SLC22A9: variants seen among roughly 807,000 people sequenced by gnomAD.
SLC22A9 encodes solute carrier family 22 member 9.
In SLC22A9, 64 loss-of-function variants were observed where a neutral mutation model predicts 50.1. That is an observed-to-expected ratio of 1.28 (90% confidence interval 1.04 to 1.57). SLC22A9 has a LOEUF of 1.57. Ranked by LOEUF, SLC22A9 falls within the 40% of genes most tolerant of loss-of-function variation. The pLI is 0.00. For synonymous variants in SLC22A9, 261 were observed against 242.5 expected (o/e 1.08, Z -0.71); for missense variants, 757 against 676.1 (o/e 1.12, Z -1.33).
At chr11:63,394,758 C>T (rs775733765) in intron 6 of SLC22A9, among the ~76,000 whole-genome samples, 3 of 152,026 alleles carry the variant, frequency 2.0e-5, no homozygotes, top group South Asian at 4.1e-4. Flanking sequence ...TTCTTATATT[C>T]GCGTGTCTAG....
chr11:63,373,538 T>C (rs1009647467), intron 2 of SLC22A9, 106 bp from the exon 3 acceptor site: 36 of 1,171,176 alleles, frequency 3.1e-5, no homozygotes, highest in Non-Finnish European at 4.1e-5. Context: ...AAATGCAAAG[T>C]TTCACTTGTT....
intron 6 of SLC22A9, among the ~76,000 whole-genome samples, chr11:63,398,098 G>A (rs780526916): frequency 3.9e-5 from 6 of 152,142 alleles, no homozygotes; most frequent in Non-Finnish European, 7.3e-5. Flanking sequence ...TAGTCAGCAG[G>A]TGATGAATCC....
chr11:63,409,589 T>G (rs1352150758), intron 9 of SLC22A9, among the ~76,000 whole-genome samples: 1 of 152,098 alleles, frequency 6.6e-6, no homozygotes, highest in Admixed American at 6.5e-5. Context: ...GGATGACAAG[T>G]AGAAAGTATC....
Position 63,370,409 on chromosome 11 carries a change from A to G in SLC22A9, c.353A>G (p.Asp118Gly). 1 of 1,611,230 alleles carries G rather than the reference A, an allele frequency of 6.2e-7. No homozygotes were observed. Among genetic ancestry groups the G allele is most frequent in the African/African-American group, 1.3e-5 (1 of 74,998 alleles). ...GACGCAGACATGGAGCCCTGTGTGG[A>G]TGGCTGGGTGTATGACAGAATCTCC... is the stretch of plus-strand genomic sequence containing the variant. ...TSDADMEPCV[D>G]GWVYDRISFS... Residue 118 changes from aspartate to glycine, a missense_variant, in exon 1 of 10, where the codon GAT (aspartate) becomes GGT (glycine). Transcript: ENST00000279178.
rs61742518 is a variant in SLC22A9 at position 63,408,121 on chromosome 11, C to T, written c.1298C>T (p.Thr433Met). 38,465 of 1,612,936 alleles carry T rather than the reference C, an allele frequency of 0.024. 536 individuals carry two copies. The highest frequency in any genetic ancestry group is 0.032 in the Middle Eastern group (194 of 6,054). Reference sequence around the variant, plus strand: ...TTCTTCCTTTCTCCAGAAATGCAGACGCTGCGTGAGGTTTTGGCAACACTG... The same window carrying T: ...TTCTTCCTTTCTCCAGAAATGCAGATGCTGCGTGAGGTTTTGGCAACACTG... ...AIIFVPQEMQ[T>M]LREVLATLGL... Residue 433 changes from threonine to methionine, a missense_variant, in exon 8 of 10, where the codon ACG (threonine) becomes ATG (methionine). Physicochemically the swap from Thr to Met is moderately conservative, Grantham distance 81. Coordinates refer to ENST00000279178, the MANE Select transcript of SLC22A9 (RefSeq NM_080866.3).
At chr11:63,392,998 G>A (rs1214616747) in intron 6 of SLC22A9, among the ~76,000 whole-genome samples, 1 of 152,030 alleles carries the variant, frequency 6.6e-6, no homozygotes, top group Non-Finnish European at 1.5e-5. Flanking sequence ...ATGAATTATA[G>A]AATTGTTTTT....
intron 5 of SLC22A9, among the ~76,000 whole-genome samples, chr11:63,377,454 T>C (rs1417005715): frequency 6.6e-6 from 1 of 152,162 alleles, no homozygotes; most frequent in African/African-American, 2.4e-5. Flanking sequence ...CTTGAATGAC[T>C]TCCGGATAAA....
intron 6 of SLC22A9, among the ~76,000 whole-genome samples, chr11:63,390,708 GT>G (rs537268770): frequency 1.3e-5 from 2 of 152,114 alleles, no homozygotes; most frequent in Non-Finnish European, 2.9e-5. Context: ...ATTTAAAGTA[GT>G]TTTTTCTAAT....
rs559825115 is a variant in SLC22A9 at position 63,397,382 on chromosome 11, C to A, written c.1074-9115C>A. Among the ~76,000 whole-genome samples, 16 of 152,216 alleles carry A rather than the reference C, an allele frequency of 1.1e-4. No individual in the cohort carries two copies. The South Asian group carries it at 3.1e-3, about 30-fold the overall frequency. The stretch of plus-strand genomic sequence containing the variant: ...AAGGCCCATAGTAATCACTGCCTGG[C>A]TACTGCCTAGGTTTGCCCAAGGCCC... On this transcript the variant is annotated intron_variant, in intron 6 of 9. Coordinates refer to ENST00000279178, the MANE Select transcript of SLC22A9 (RefSeq NM_080866.3).
chr11:63,380,595 A>T (rs1453449237), intron 5 of SLC22A9, among the ~76,000 whole-genome samples: 1 of 152,214 alleles, frequency 6.6e-6, no homozygotes, highest in African/African-American at 2.4e-5. Context: ...AAAACTAAAT[A>T]CCACATGTTC....
At position 63,369,926 on chromosome 11, in the gene SLC22A9, C is replaced by G; in HGVS notation, c.-131C>G. 1.1e-6 allele frequency: 1 copy of G among 912,810 alleles called. No homozygotes were observed. The highest frequency in any genetic ancestry group is 2.7e-5 in the East Asian group (1 of 37,722). The allele number at this position is 912,810 out of a possible 1,614,324, so 56.5% of individuals were successfully genotyped here. A position where few individuals can be genotyped will look rare whatever the true frequency, so the allele number is the denominator to read the frequency against. ...TCCTGCTGCAGAGGGGAAGCACAGT[C>G]GTCAAGAAGAGAGTGGGGTCAGGAT... On this transcript the variant is annotated 5_prime_UTR_variant, in exon 1 of 10. Coordinates refer to ENST00000279178, the MANE Select transcript of SLC22A9 (RefSeq NM_080866.3).
intron 6 of SLC22A9, among the ~76,000 whole-genome samples, chr11:63,400,118 A>G (rs1179925453): frequency 6.6e-6 from 1 of 152,092 alleles, no homozygotes; most frequent in Admixed American, 6.6e-5. Flanking sequence ...TACCTTAAAG[A>G]AGTAGAAATG....
chr11:63,401,812 G>C (rs1180629603), intron 6 of SLC22A9, among the ~76,000 whole-genome samples: 1 of 152,086 alleles, frequency 6.6e-6, no homozygotes, highest in Non-Finnish European at 1.5e-5. Context: ...ACTGGTGTAA[G>C]ATGCTATCTC....
chr11:63,400,379 C>G (rs532323880), intron 6 of SLC22A9, among the ~76,000 whole-genome samples: 6 of 152,032 alleles, frequency 3.9e-5, no homozygotes, highest in Non-Finnish European at 8.8e-5. Flanking sequence ...TTATGAGCAA[C>G]TTTATGCCAA....
chr11:63,378,281 A>G (rs1452754948), intron 5 of SLC22A9, among the ~76,000 whole-genome samples: 4 of 148,280 alleles, frequency 2.7e-5, no homozygotes, highest in Middle Eastern at 3.2e-3. Flanking sequence ...AAAACACATT[A>G]TCAACCCAAT....
At chr11:63,372,097 A>C (rs1022460500) in intron 2 of SLC22A9, among the ~76,000 whole-genome samples, 4 of 152,212 alleles carry the variant, frequency 2.6e-5, no homozygotes, top group African/African-American at 9.6e-5. Flanking sequence ...AAATGCAGAT[A>C]GACCAATTTT....
chr11:63,370,496 TG>T (rs2014335774), intron 1 of SLC22A9, 38 bp downstream of exon 1: 26 of 1,522,620 alleles, frequency 1.7e-5, no homozygotes, highest in Non-Finnish European at 2.3e-5. Context: ...GTATGTGACC[TG>T]GGTGTTTAGA....
intron 5 of SLC22A9, among the ~76,000 whole-genome samples, chr11:63,379,519 A>G (rs778283827): frequency 9.9e-5 from 15 of 152,238 alleles, no homozygotes; most frequent in Non-Finnish European, 1.8e-4. Context: ...AATGGGACCA[A>G]ATAAACTAAA....
At chr11:63,394,841 T>A (rs932910368) in intron 6 of SLC22A9, among the ~76,000 whole-genome samples, 8 of 152,284 alleles carry the variant, frequency 5.3e-5, no homozygotes, top group African/African-American at 1.9e-4. Flanking sequence ...TAGATTTCTC[T>A]TCTTACTCAG....
Sources: allele counts gnomAD v4.1 joint callset (sites outside exome capture counted in the v4.1 genomes callset), GRCh38; gene constraint gnomAD v4.1.1; transcripts MANE v1.5; gene names NCBI Gene and HGNC (gene_info 2026-07-23, HGNC 2026-07-21).